The following NCOR1 variants were observed in gnomAD, a reference collection of about 807,000 sequenced individuals.
The protein encoded by NCOR1 is nuclear receptor corepressor 1, also known as protein phosphatase 1, regulatory subunit 109.
NCOR1 carries 63 observed loss-of-function variants against 288.1 expected under a neutral mutation model. The observed-to-expected ratio is 0.22, with a 90% confidence interval of 0.18 to 0.27. NCOR1 has a LOEUF of 0.27. NCOR1 is among the 10% of genes least tolerant of loss of function. The pLI, the probability that NCOR1 is intolerant of heterozygous loss-of-function variation, is 1.00. For missense variants in NCOR1, 2,397 were observed against 3,019.2 expected, an observed-to-expected ratio of 0.79 and a Z score of 4.83; for synonymous variants, 1,007 against 1,065.9, an observed-to-expected ratio of 0.94 and a Z score of 1.08.
chr17:16,204,874 G>A (rs1163069289), intron 1 of NCOR1, among the ~76,000 whole-genome samples: 1 of 152,224 alleles, frequency 6.6e-6, no homozygotes, highest in African/African-American at 2.4e-5. Context: ...GGATATATCT[G>A]ACTACATAAC....
chr17:16,057,325 A>T (rs1393717708), intron 40 of NCOR1, 189 bp downstream of exon 40: 2 of 603,288 alleles, frequency 3.3e-6, no homozygotes, highest in African/African-American at 3.7e-5. Context: ...TTAAAAAGTC[A>T]TAGTACCAAA....
At chr17:16,050,503 G>A (rs564490816) in intron 40 of NCOR1, among the ~76,000 whole-genome samples, 4 of 152,102 alleles carry the variant, frequency 2.6e-5, no homozygotes, top group Admixed American at 1.3e-4. Flanking sequence ...GATTACAGGC[G>A]TGAGCCACCA....
intron 1 of NCOR1, among the ~76,000 whole-genome samples, chr17:16,201,950 G>A (rs2090868111): frequency 6.6e-6 from 1 of 151,760 alleles, no homozygotes; most frequent in Non-Finnish European, 1.5e-5. Flanking sequence ...AATACGGCTG[G>A]GCGCGGTGGC....
chr17:16,208,228 T>TTTG (rs2091781670), intron 1 of NCOR1, among the ~76,000 whole-genome samples: 1 of 138,458 alleles, frequency 7.2e-6, no homozygotes, highest in Admixed American at 7.3e-5. Flanking sequence ...TTTTTTTTTT[T>TTTG]TTTGTATTTT....
intron 1 of NCOR1, 126 bp downstream of exon 1, chr17:16,215,236 C>G (rs2092452890): frequency 2.6e-6 from 1 of 383,050 alleles, no homozygotes; most frequent in Admixed American, 4.5e-5. Context: ...CCGACCTGCC[C>G]AGGCCTGCGA....
At chr17:16,046,339 C>G (rs1340213728) in intron 42 of NCOR1, among the ~76,000 whole-genome samples, 4 of 152,174 alleles carry the variant, frequency 2.6e-5, no homozygotes. Context: ...CAGTGCACTT[C>G]ATAACTTAAC....
chr17:16,065,505 A>C lies in NCOR1; in HGVS notation c.4931T>G (p.Leu1644Arg), dbSNP rs2061022542. ...CACACCTCTCGTTGCTGGGTATGGG[A>C]GACCCAGTGGCTGCTCTCTTGGGGA... ...GLSPREQPLG[L>R]PYPATRGIID... is the part of the protein sequence containing the mutation. The change falls in exon 33 of 46, where the codon CTC becomes CGC. Residue 1644 changes from leucine (L) to arginine (R), a missense_variant. Physicochemically the swap from Leu to Arg is moderately radical, Grantham distance 102. Transcript: ENST00000268712. 1.2e-6 allele frequency: 2 copies of C among 1,614,228 alleles called. No homozygotes were observed. Among genetic ancestry groups the C allele is most frequent in the Non-Finnish European group, 1.7e-6 (2 of 1,180,040 alleles).
chr17:16,057,882 CTAA>C, intron 39 of NCOR1, 22 bp downstream of exon 39: 1 of 1,558,316 alleles, frequency 6.4e-7, no homozygotes, highest in Non-Finnish European at 8.6e-7. Flanking sequence ...GAAAAATTAA[CTAA>C]TAAGAATAAT....
At chr17:16,198,357 C>CCACAAAAAAAAA (rs2090221884) in intron 1 of NCOR1, 1 of 79,744 alleles carries the variant, frequency 1.3e-5, no homozygotes, top group African/African-American at 5.4e-5. Flanking sequence ...GACTCCGTCT[C>CCACAAAAAAAAA]AAAAAAAAAA....
chr17:16,074,709 C>T (rs1328156347), intron 27 of NCOR1, among the ~76,000 whole-genome samples: 2,723 of 152,170 alleles, frequency 0.018, 84 homozygotes, highest in African/African-American at 0.062. Flanking sequence ...AAAACTTTGG[C>T]TAATATTTCT....
At chr17:16,189,713 G>A (rs1254185992) in intron 2 of NCOR1, among the ~76,000 whole-genome samples, 1 of 152,020 alleles carries the variant, frequency 6.6e-6, no homozygotes, top group Non-Finnish European at 1.5e-5. Context: ...AAAACTGGAT[G>A]TATTTTTTAA....
At chr17:16,081,726 T>A (rs1288876447) in intron 23 of NCOR1, among the ~76,000 whole-genome samples, 1 of 152,192 alleles carries the variant, frequency 6.6e-6, no homozygotes, top group South Asian at 2.1e-4. Flanking sequence ...GGCAACTGAT[T>A]AACTTCTCCA....
intron 22 of NCOR1, among the ~76,000 whole-genome samples, chr17:16,088,101 C>T (rs1267968394): frequency 6.6e-6 from 1 of 150,610 alleles, no homozygotes; most frequent in African/African-American, 2.5e-5. Flanking sequence ...TAAATTCCCA[C>T]TCATTTTATT....
chr17:16,209,003 T>C (rs1380038968), intron 1 of NCOR1, among the ~76,000 whole-genome samples: 1 of 152,160 alleles, frequency 6.6e-6, no homozygotes, highest in Non-Finnish European at 1.5e-5. Flanking sequence ...TAACTCTAGC[T>C]GCTAAGCTCA....
At chr17:16,148,224 C>A (rs186670905) in intron 9 of NCOR1, among the ~76,000 whole-genome samples, 8 of 152,056 alleles carry the variant, frequency 5.3e-5, no homozygotes, top group Admixed American at 5.2e-4. Flanking sequence ...CACCACACTG[C>A]CAGCTCAGTC....
intron 18 of NCOR1, among the ~76,000 whole-genome samples, chr17:16,111,405 C>T (rs1484260608): frequency 3.3e-5 from 5 of 152,032 alleles, no homozygotes; most frequent in Admixed American, 6.5e-5. Flanking sequence ...AGTTCAAGAC[C>T]AGCCTGGCCA....
intron 14 of NCOR1, among the ~76,000 whole-genome samples, chr17:16,129,891 T>A (rs1466649492): frequency 1.1e-4 from 17 of 152,218 alleles, no homozygotes; most frequent in Non-Finnish European, 1.5e-5. Flanking sequence ...CAATCAGAGC[T>A]TCAAAGTAAT....
intron 5 of NCOR1, among the ~76,000 whole-genome samples, chr17:16,159,932 C>T (rs1333452922): frequency 1.3e-5 from 2 of 151,370 alleles, no homozygotes; most frequent in Non-Finnish European, 1.5e-5. Flanking sequence ...AGGGTTCAAG[C>T]GATTCTCCTG....
In NCOR1 at chr17:16,105,567, G is replaced by A. The variant is rs557266669; in HGVS notation, c.2182+3219C>T. 1.4e-4 allele frequency among the ~76,000 whole-genome samples: 22 copies of A among 152,292 alleles called. 1 individual carries two copies. The highest frequency in any genetic ancestry group is 5.1e-4 in the African/African-American group (21 of 41,562). On this transcript the variant is annotated intron_variant, in intron 19 of 45. Transcript: ENST00000268712. ...AGAAAACCTAATTTATTGATATAGT[G>A]AAAGACCAGAGGGAAAAGCAGCTTG...
Sources: gnomAD v4.1 joint callset for allele counts (sites outside exome capture counted in the v4.1 genomes callset) on GRCh38, gnomAD v4.1.1 for gene constraint, MANE v1.5 for transcripts, NCBI Gene and HGNC (gene_info 2026-07-23, HGNC 2026-07-21) for gene names.